The following TMEM52B variants were observed in gnomAD, a reference collection of about 807,000 sequenced individuals.
The protein encoded by TMEM52B is chromosome 12 open reading frame 59.
TMEM52B carries 11 observed loss-of-function variants against 16.1 expected under a neutral mutation model. That is an observed-to-expected ratio of 0.68 (90% CI 0.43 to 1.13). The LOEUF (loss-of-function observed/expected upper bound fraction) is 1.13, where lower values mean the gene tolerates loss of function less well. TMEM52B is among the 50% of genes most tolerant of loss of function. The pLI is 0.00. For missense variants in TMEM52B, 243 were observed against 230.4 expected, an observed-to-expected ratio of 1.05 and a Z score of -0.35; for synonymous variants, 101 against 93.8, an observed-to-expected ratio of 1.08 and a Z score of -0.45.
chr12:10,184,552 C>G (rs1294990306), intron 2 of TMEM52B, among the ~76,000 whole-genome samples: 1 of 152,072 alleles, frequency 6.6e-6, no homozygotes, highest in Non-Finnish European at 1.5e-5. Flanking sequence ...TGGAAGATTG[C>G]TTGCCTGGTG....
At chr12:10,186,048 A>G (rs1948875464) in intron 3 of TMEM52B, among the ~76,000 whole-genome samples, 1 of 152,024 alleles carries the variant, frequency 6.6e-6, no homozygotes, top group Non-Finnish European at 1.5e-5. Flanking sequence ...TCTAAAAAAA[A>G]AAAAATTAGT....
chr12:10,171,908 G>A (rs1948722258), intron 1 of TMEM52B: 1 of 848,316 alleles, frequency 1.2e-6, no homozygotes, highest in Admixed American at 2.1e-5. Flanking sequence ...CCATACTTGG[G>A]TGTTTAGCTT....
Position 10,185,503 on chromosome 12 carries a change from G to A in TMEM52B, c.137+135G>A, listed in dbSNP as rs1027465655. On this transcript the variant is annotated intron_variant, in intron 3 of 4. Transcript: ENST00000543484. Reference sequence around the variant, plus strand: ...TCACTACCTATGTGACAATATGTCAGGATTTCCTTTTTCAATACCATCTCC... The same window carrying A: ...TCACTACCTATGTGACAATATGTCAAGATTTCCTTTTTCAATACCATCTCC... The A allele has an allele frequency of 1.7e-5, 12 of 699,498 alleles. No homozygotes were observed. In the African/African-American group the frequency reaches 2.1e-4, roughly 12 times the overall value. 43.3% of individuals were successfully genotyped at this position (699,498 alleles called of 1,614,324 possible). A position where few individuals can be genotyped will look rare whatever the true frequency, so the allele number is the denominator to read the frequency against.
At chr12:10,186,706 A>C in intron 4 of TMEM52B, 117 bp downstream of exon 4, 2 of 1,104,518 alleles carry the variant, frequency 1.8e-6, no homozygotes, top group Non-Finnish European at 2.4e-6. Context: ...GACTCACAAT[A>C]ATTTCCATTC....
chr12:10,185,845 C>A (rs1359546187), intron 3 of TMEM52B, among the ~76,000 whole-genome samples: 2 of 152,090 alleles, frequency 1.3e-5, no homozygotes, highest in Non-Finnish European at 2.9e-5. Flanking sequence ...AGTTCAAGAC[C>A]AGCCTGACCA....
chr12:10,181,999 C>G, intron 1 of TMEM52B: 1 of 861,860 alleles, frequency 1.2e-6, no homozygotes, highest in Non-Finnish European at 1.4e-6. Context: ...TGCACTCCAG[C>G]CTGGGTGACA....
In TMEM52B at chr12:10,182,359, C is replaced by G. The variant is rs1004012603; in HGVS notation, c.55-191C>G. On this transcript the variant is annotated intron_variant, in intron 1 of 4. Coordinates refer to ENST00000543484, the MANE Select transcript of TMEM52B (RefSeq NM_001384896.1). ...GATGAGATATTTGTTCTTCAAGGTT[C>G]CCTTACCTCAAGTACAAAAGCCAGC... is the stretch of plus-strand genomic sequence containing the variant. 3.0e-6 allele frequency: 3 copies of G among 985,192 alleles called. No homozygotes were observed. The African/African-American group carries it at 5.2e-5, about 17-fold the overall frequency. 61.0% of individuals were successfully genotyped at this position (985,192 alleles called of 1,614,324 possible).
intron 1 of TMEM52B, among the ~76,000 whole-genome samples, chr12:10,181,888 G>A (rs1278482105): frequency 6.6e-6 from 1 of 150,922 alleles, no homozygotes; most frequent in Non-Finnish European, 1.5e-5. Flanking sequence ...TTAACCAGGC[G>A]TGGTGGCACG....
chr12:10,171,906 G>T (rs2137529046), intron 1 of TMEM52B: 5 of 816,360 alleles, frequency 6.1e-6, no homozygotes, highest in Non-Finnish European at 6.2e-6. Flanking sequence ...TCCCATACTT[G>T]GGTGTTTAGC....
At position 10,189,875 on chromosome 12, in the gene TMEM52B, C is replaced by G. The variant is rs781222288; in HGVS notation, c.308-21C>G. 80 of 1,612,180 alleles carry G rather than the reference C, an allele frequency of 5.0e-5. 1 individual carries two copies. The Middle Eastern group carries it at 3.2e-3, about 64-fold the overall frequency. On this transcript the variant is annotated intron_variant, in intron 4 of 4. Transcript: ENST00000543484. ...TCCTGTTTCCCTTAGTTTCTTAGCT[C>G]TGTTCCTTCTTTCTTCACAGCTCTG...
rs1163794345 is a variant in TMEM52B at position 10,191,434 on chromosome 12, T to C, written c.*1294T>C. ...GGGGGTTTCACCATGTTGGCCAGTC[T>C]GGTCTAGAACTCCTGACGTCAGGTG... is the stretch of plus-strand genomic sequence containing the variant. On this transcript the variant is annotated 3_prime_UTR_variant, in exon 5 of 5. Coordinates refer to ENST00000543484, the MANE Select transcript of TMEM52B (RefSeq NM_001384896.1). The C allele has an allele frequency of 6.6e-6, 1 of 152,184 alleles. No individual in the cohort carries two copies. Among genetic ancestry groups the C allele is most frequent in the South Asian group, 2.1e-4 (1 of 4,826 alleles). The allele number at this position is 152,184 out of a possible 1,614,324, so 9.4% of individuals were successfully genotyped here.
Position 10,186,465 on chromosome 12 carries a change from G to A in TMEM52B, c.183G>A (p.Thr61=), listed in dbSNP as rs755020599. The A allele has an allele frequency of 1.6e-5, 26 of 1,612,506 alleles. No homozygotes were observed. The highest frequency in any genetic ancestry group is 2.2e-5 in the South Asian group (2 of 90,956). Residue 61 remains threonine (T), a synonymous_variant, in exon 4 of 5, where the codon ACG becomes ACA. Coordinates refer to ENST00000543484, the MANE Select transcript of TMEM52B (RefSeq NM_001384896.1). The part of the protein sequence containing the change: ...IGALLLLCGL[T]SLCFRCCCLS... Reference sequence around the variant, plus strand: ...CGCTGCTTCTCCTGTGTGGCCTGACGTCCCTGTGCTTCCGCTGCTGCTGTC... The same window carrying A: ...CGCTGCTTCTCCTGTGTGGCCTGACATCCCTGTGCTTCCGCTGCTGCTGTC...
chr12:10,187,255 C>T (rs998207745), intron 4 of TMEM52B, among the ~76,000 whole-genome samples: 2 of 151,910 alleles, frequency 1.3e-5, no homozygotes, highest in African/African-American at 4.8e-5. Flanking sequence ...GGCACCTGCA[C>T]CATGCCTGGC....
upstream of TMEM52B, among the ~76,000 whole-genome samples, chr12:10,176,368 CA>C (rs1948765705): frequency 6.6e-6 from 1 of 151,330 alleles, no homozygotes; most frequent in Admixed American, 6.6e-5. Context: ...AGGTCATTAA[CA>C]GAACCTATTT....
chr12:10,172,792 TGGAAATTAG>T (rs1437744021), intron 1 of TMEM52B, among the ~76,000 whole-genome samples: 2 of 152,232 alleles, frequency 1.3e-5, no homozygotes, highest in Admixed American at 6.5e-5. Context: ...TGTCTTTGTC[TGGAAATTAG>T]GGATAATGTC....
intron 1 of TMEM52B, among the ~76,000 whole-genome samples, chr12:10,172,717 A>G (rs1948733608): frequency 1.3e-5 from 2 of 152,220 alleles, no homozygotes; most frequent in Non-Finnish European, 2.9e-5. Context: ...TTGAATGCAG[A>G]AAGAGCTAGT....
intron 4 of TMEM52B, among the ~76,000 whole-genome samples, chr12:10,189,417 A>G (rs1344092955): frequency 6.6e-6 from 1 of 151,840 alleles, no homozygotes; most frequent in Admixed American, 6.6e-5. Context: ...TGAGGTCAGG[A>G]GTTCAAGACC....
intron 1 of TMEM52B, among the ~76,000 whole-genome samples, chr12:10,181,128 G>A (rs183879111): frequency 6.6e-6 from 1 of 152,108 alleles, no homozygotes; most frequent in Non-Finnish European, 1.5e-5. Flanking sequence ...TTTGAAAGAG[G>A]AAGTCAACTA....
chr12:10,177,749 A>G (rs891433029), upstream of TMEM52B, among the ~76,000 whole-genome samples: 1 of 148,092 alleles, frequency 6.8e-6, no homozygotes, highest in African/African-American at 2.5e-5. Flanking sequence ...CAGCCTGGTG[A>G]CAGAGAGACT....
Sources: allele counts gnomAD v4.1 joint callset (sites outside exome capture counted in the v4.1 genomes callset), GRCh38; gene constraint gnomAD v4.1.1; transcripts MANE v1.5; gene names NCBI Gene and HGNC (gene_info 2026-07-23, HGNC 2026-07-21).